SLCO1A2: variants seen among roughly 807,000 people sequenced by gnomAD.
SLCO1A2 encodes solute carrier organic anion transporter family member 1A2, also known as OATP-1.
SLCO1A2 carries 67 observed loss-of-function variants against 69.0 expected under a neutral mutation model. That is an observed-to-expected ratio of 0.97 (90% CI 0.80 to 1.19). The LOEUF (loss-of-function observed/expected upper bound fraction) is 1.19, where lower values mean the gene tolerates loss of function less well. SLCO1A2 is among the 50% of genes most tolerant of loss of function. SLCO1A2 has a pLI of 0.00. For missense variants in SLCO1A2, 787 were observed against 793.7 expected (o/e 0.99, Z 0.10); for synonymous variants, 260 against 265.9 (o/e 0.98, Z 0.22).
chr12:21,321,843 C>T (rs923201630), intron 2 of SLCO1A2, among the ~76,000 whole-genome samples: 10 of 152,292 alleles, frequency 6.6e-5, no homozygotes, highest in Middle Eastern at 3.4e-3. Flanking sequence ...TCTTCCCACC[C>T]TACTGTGTGC....
At chr12:21,360,456 C>G (rs1591879347) in intron 2 of SLCO1A2, among the ~76,000 whole-genome samples, 1 of 152,190 alleles carries the variant, frequency 6.6e-6, no homozygotes, top group African/African-American at 2.4e-5. Context: ...CGAATAGGAA[C>G]AGCTCCAGTC....
At chr12:21,273,258 TATC>T (rs1943193842) in intron 14 of SLCO1A2, among the ~76,000 whole-genome samples, 1 of 152,130 alleles carries the variant, frequency 6.6e-6, no homozygotes, top group Non-Finnish European at 1.5e-5. Context: ...GACATTTTCT[TATC>T]ATCATGGACA....
At chr12:21,311,298 T>C (rs1344309377) in intron 4 of SLCO1A2, among the ~76,000 whole-genome samples, 1 of 152,186 alleles carries the variant, frequency 6.6e-6, no homozygotes, top group Non-Finnish European at 1.5e-5. Flanking sequence ...GAGTCAACTT[T>C]TCAAAATTCC....
chr12:21,329,081 C>T (rs977100443), intron 2 of SLCO1A2, among the ~76,000 whole-genome samples: 1 of 152,186 alleles, frequency 6.6e-6, no homozygotes, highest in East Asian at 1.9e-4. Flanking sequence ...ATTTGGATCA[C>T]ATATACTCAT....
rs944148907 is a variant in SLCO1A2 at position 21,355,302 on chromosome 12, T to C, written c.-63+19097A>G. ...CACTATTTCCTGAAGTATGGCTTTA[T>C]CCTGAAGAGTCCTCCCACTAAAAGA... is the stretch of plus-strand genomic sequence containing the variant. On this transcript the variant is annotated intron_variant, in intron 2 of 15. Coordinates refer to the SLCO1A2 transcript ENST00000307378. Among the ~76,000 whole-genome samples the C allele has an allele frequency of 1.3e-4, 20 of 152,244 alleles. No individual in the cohort carries two copies. In the East Asian group the frequency reaches 3.5e-3, roughly 26 times the overall value.
At position 21,295,633 on chromosome 12, in the gene SLCO1A2, T is replaced by C; in HGVS notation, c.1235A>G (p.Asn412Ser). 2 of 1,602,192 alleles carry C rather than the reference T, an allele frequency of 1.2e-6. No homozygotes were observed. The highest frequency in any genetic ancestry group is 1.7e-6 in the Non-Finnish European group (2 of 1,169,646). Reference sequence around the variant, plus strand: ...GGTATTTATTCCAACAACTGAAGAATTTTCACAAGTCATGAGAAAAGATAA... The same window carrying C: ...GGTATTTATTCCAACAACTGAAGAACTTTCACAAGTCATGAGAAAAGATAA... ...YFLSFLMTCENSSVVGINTSY... is the reference protein window; with the variant it reads ...YFLSFLMTCESSSVVGINTSY... The change falls in exon 10 of 15, where the codon AAT (asparagine) becomes AGT (serine). Residue 412 changes from asparagine to serine, a missense_variant. Transcript: ENST00000683939.
chr12:21,384,739 C>CA (rs1010889813), intron 1 of SLCO1A2, among the ~76,000 whole-genome samples: 8 of 148,210 alleles, frequency 5.4e-5, no homozygotes, highest in African/African-American at 1.7e-4. Context: ...TTAAATATAT[C>CA]AAAAAAATAT....
intron 2 of SLCO1A2, among the ~76,000 whole-genome samples, chr12:21,350,935 T>A (rs1437693746): frequency 6.6e-6 from 1 of 151,040 alleles, no homozygotes; most frequent in Non-Finnish European, 1.5e-5. Context: ...TATTTCTGGG[T>A]TTTTTTAATA....
chr12:21,323,245 G>T (rs1951859237), intron 2 of SLCO1A2, among the ~76,000 whole-genome samples: 1 of 152,104 alleles, frequency 6.6e-6, no homozygotes, highest in Admixed American at 6.6e-5. Flanking sequence ...CATAAGCATT[G>T]CTCTGAAAAA....
intron 12 of SLCO1A2, among the ~76,000 whole-genome samples, chr12:21,279,060 T>A (rs2199687): frequency 0.27 from 41,113 of 151,606 alleles, 5,952 homozygotes; most frequent in African/African-American, 0.33. Flanking sequence ...TGCAATGACA[T>A]ACTAAAGAAT....
chr12:21,401,598 C>T, intron 1 of SLCO1A2, among the ~76,000 whole-genome samples: 1 of 151,108 alleles, frequency 6.6e-6, no homozygotes, highest in Non-Finnish European at 1.5e-5. Flanking sequence ...TTGGATTTTC[C>T]TTTATAATTT....
chr12:21,285,233 AC>A (rs1390471937), intron 12 of SLCO1A2, among the ~76,000 whole-genome samples: 1 of 152,148 alleles, frequency 6.6e-6, no homozygotes, highest in South Asian at 2.1e-4. Flanking sequence ...AAACACCTCT[AC>A]ACAAATAAAA....
intron 3 of SLCO1A2, 139 bp downstream of exon 3, chr12:21,318,643 G>T: frequency 1.6e-6 from 1 of 612,756 alleles, no homozygotes; most frequent in Non-Finnish European, 2.7e-6. Flanking sequence ...TCTAAGCTTA[G>T]CTAATCAGTT....
chr12:21,370,717 G>C (rs1565519924), intron 2 of SLCO1A2, among the ~76,000 whole-genome samples: 1 of 152,128 alleles, frequency 6.6e-6, no homozygotes, highest in African/African-American at 2.4e-5. Flanking sequence ...TAATAAGCAA[G>C]TATTTTTGTC....
intron 5 of SLCO1A2, among the ~76,000 whole-genome samples, chr12:21,305,538 T>G (rs1949258337): frequency 6.6e-6 from 1 of 152,250 alleles, no homozygotes; most frequent in Non-Finnish European, 1.5e-5. Context: ...ACAAAGTGAT[T>G]TGTGTCTAGA....
At chr12:21,378,425 A>G (rs1459286810) in intron 1 of SLCO1A2, 1 of 1,610,282 alleles carries the variant, frequency 6.2e-7, no homozygotes. Context: ...TTGCCCCTTT[A>G]GAGGACAATG....
At position 21,301,196 on chromosome 12, in the gene SLCO1A2, A is replaced by G. The variant is rs746070880; in HGVS notation, c.663T>C (p.Tyr221=). The part of the protein sequence containing the change: ...LLLASFCANV[Y]VDTGFVNTDD... ...CTGTGTTCACAAATCCAGTGTCAAC[A>G]TAAACATTTGCACAGAATGATGCCA... Residue 221 remains tyrosine (Y), a synonymous_variant, in exon 7 of 15, where the codon TAT becomes TAC. Coordinates refer to ENST00000683939, the MANE Select transcript of SLCO1A2 (RefSeq NM_001386879.1). 1.4e-5 allele frequency: 22 copies of G among 1,612,576 alleles called. No homozygotes were observed. The highest frequency in any genetic ancestry group is 1.8e-5 in the Non-Finnish European group (21 of 1,179,218).
In SLCO1A2 at chr12:21,267,758, C is replaced by G. The variant is rs1467393842; in HGVS notation, c.*1790G>C. On this transcript the variant is annotated 3_prime_UTR_variant, in exon 15 of 15. Transcript: ENST00000683939. The stretch of plus-strand genomic sequence containing the variant: ...AGTGGCTGTTTACTTTTTCTTGCTG[C>G]TCTGTGAATATAGGTAAGTCTCTTC... 6.6e-6 allele frequency: 1 copy of G among 152,106 alleles called. No individual in the cohort carries two copies. Among genetic ancestry groups the G allele is most frequent in the Non-Finnish European group, 1.5e-5 (1 of 68,032 alleles). The allele number at this position is 152,106 out of a possible 1,614,324, so 9.4% of individuals were successfully genotyped here.
intron 2 of SLCO1A2, chr12:21,324,513 T>G (rs1952050299): frequency 6.6e-6 from 1 of 152,190 alleles, no homozygotes; most frequent in African/African-American, 2.4e-5. Context: ...AATCAGTGTC[T>G]CCAATTGTCC....
Sources: allele counts gnomAD v4.1 joint callset (sites outside exome capture counted in the v4.1 genomes callset), GRCh38; gene constraint gnomAD v4.1.1; transcripts MANE v1.5; gene names NCBI Gene and HGNC (gene_info 2026-07-23, HGNC 2026-07-21).